Variants in EYA3 observed in about 807,000 individuals in gnomAD.
EYA3 encodes the protein EYA transcriptional coactivator and phosphatase 3.
A neutral mutation model predicts 80.0 loss-of-function variants in EYA3; 39 were observed. The observed-to-expected ratio is 0.49, with a 90% CI of 0.38 to 0.64. The LOEUF (loss-of-function observed/expected upper bound fraction) is 0.64. EYA3 is among the 30% of genes least tolerant of loss of function. The probability of loss-of-function intolerance (pLI) is 0.00; values close to 1 mark genes in which losing one functional copy is unlikely to be tolerated. For missense variants in EYA3, 523 were observed against 676.1 expected (o/e 0.77, Z 2.51); for synonymous variants, 206 against 232.8 (o/e 0.88, Z 1.05).
At chr1:27,983,759 G>A (rs1639465495) in intron 16 of EYA3, among the ~76,000 whole-genome samples, 1 of 152,130 alleles carries the variant, frequency 6.6e-6, no homozygotes, top group Non-Finnish European at 1.5e-5. Flanking sequence ...CCACTCAAGC[G>A]ATTCTCCTGC....
At chr1:27,977,625 C>G (rs1443180077) in intron 17 of EYA3, among the ~76,000 whole-genome samples, 1 of 151,508 alleles carries the variant, frequency 6.6e-6, no homozygotes, top group Non-Finnish European at 1.5e-5. Flanking sequence ...CCGAGGCAGG[C>G]GGATCACAAG....
At chr1:27,989,958 A>AT (rs905524412) in intron 14 of EYA3, 147 bp from the exon 15 acceptor site, 25 of 401,664 alleles carry the variant, frequency 6.2e-5, no homozygotes, top group South Asian at 4.8e-4. Flanking sequence ...ACATATACGT[A>AT]TTTTTTTCCC....
chr1:27,995,238 T>C (rs1640358992), intron 13 of EYA3, among the ~76,000 whole-genome samples: 1 of 147,574 alleles, frequency 6.8e-6, no homozygotes, highest in African/African-American at 2.5e-5. Context: ...GACCCCCATC[T>C]CTAAAAAAAA....
At chr1:28,014,218 A>G (rs1471314191) in intron 8 of EYA3, among the ~76,000 whole-genome samples, 4 of 152,008 alleles carry the variant, frequency 2.6e-5, no homozygotes, top group Non-Finnish European at 5.9e-5. Flanking sequence ...GGAGTTTGAG[A>G]CCAGCCTAGC....
intron 7 of EYA3, among the ~76,000 whole-genome samples, chr1:28,024,811 A>C (rs906360648): frequency 6.6e-6 from 1 of 152,196 alleles, no homozygotes; most frequent in Non-Finnish European, 1.5e-5. Flanking sequence ...ATGATACTAC[A>C]GAAGTCAGAT....
intron 14 of EYA3, among the ~76,000 whole-genome samples, chr1:27,990,780 T>G (rs1639999350): frequency 6.6e-6 from 1 of 151,962 alleles, no homozygotes; most frequent in Non-Finnish European, 1.5e-5. Context: ...CTTGAACTCC[T>G]GATCTCATGA....
At chr1:28,021,130 C>T (rs2148813956) in intron 7 of EYA3, among the ~76,000 whole-genome samples, 1 of 152,310 alleles carries the variant, frequency 6.6e-6, no homozygotes, top group Admixed American at 6.5e-5. Flanking sequence ...AGTTTTTACC[C>T]ACCTCTCTAA....
intron 13 of EYA3, among the ~76,000 whole-genome samples, chr1:27,996,552 T>C (rs1640471499): frequency 6.6e-6 from 1 of 152,236 alleles, no homozygotes; most frequent in Non-Finnish European, 1.5e-5. Flanking sequence ...ATGCTGTACC[T>C]GAAAGTGAAA....
intron 1 of EYA3, among the ~76,000 whole-genome samples, chr1:28,071,992 C>A (rs1305085051): frequency 6.6e-6 from 1 of 152,218 alleles, no homozygotes; most frequent in East Asian, 1.9e-4. Flanking sequence ...GCCCTCTGTA[C>A]TAGTCTCTGC....
intron 16 of EYA3, among the ~76,000 whole-genome samples, chr1:27,982,664 C>T (rs2148710000): frequency 6.6e-6 from 1 of 152,112 alleles, no homozygotes; most frequent in Non-Finnish European, 1.5e-5. Context: ...GCAATCTTGG[C>T]TCACTATAAT....
At chr1:28,077,492 C>T (rs1645265211) in intron 1 of EYA3, among the ~76,000 whole-genome samples, 1 of 152,088 alleles carries the variant, frequency 6.6e-6, no homozygotes, top group African/African-American at 2.4e-5. Context: ...AGGAGGTTAA[C>T]CTGAATTAGC....
intron 10 of EYA3, 112 bp downstream of exon 10, chr1:28,010,835 A>G (rs1641641741): frequency 7.8e-7 from 1 of 1,282,894 alleles, no homozygotes; most frequent in Non-Finnish European, 1.1e-6. Context: ...CTCAGGAATT[A>G]AAGGGCACAT....
At chr1:28,028,388 C>T (rs551094613) in intron 6 of EYA3, among the ~76,000 whole-genome samples, 1 of 152,234 alleles carries the variant, frequency 6.6e-6, no homozygotes, top group South Asian at 2.1e-4. Flanking sequence ...TACTTCTCTG[C>T]CTTCTTAAGC....
intron 1 of EYA3, among the ~76,000 whole-genome samples, chr1:28,086,839 A>C (rs1293362905): frequency 6.6e-6 from 1 of 152,220 alleles, no homozygotes; most frequent in East Asian, 1.9e-4. Flanking sequence ...TAGCAGTTAG[A>C]TAAGTCCTGA....
At chr1:28,008,162 A>C (rs908773276) in intron 10 of EYA3, among the ~76,000 whole-genome samples, 12 of 152,102 alleles carry the variant, frequency 7.9e-5, no homozygotes, top group African/African-American at 2.9e-4. Context: ...TCATAAGTTA[A>C]TTTTTAATAG....
chr1:28,087,120 C>T (rs1645683926), intron 1 of EYA3, among the ~76,000 whole-genome samples: 1 of 152,010 alleles, frequency 6.6e-6, no homozygotes, highest in African/African-American at 2.4e-5. Flanking sequence ...ACACAAAAAC[C>T]GCTGCAATCA....
At chr1:28,047,146 T>TC (rs1374040816) in intron 3 of EYA3, among the ~76,000 whole-genome samples, 5 of 151,758 alleles carry the variant, frequency 3.3e-5, no homozygotes, top group African/African-American at 1.2e-4. Flanking sequence ...TAAGTTCCTT[T>TC]TTTTTTTTGA....
intron 7 of EYA3, among the ~76,000 whole-genome samples, chr1:28,019,579 T>C (rs755431083): frequency 9.9e-5 from 15 of 152,200 alleles, no homozygotes; most frequent in Non-Finnish European, 1.5e-4. Context: ...AAATAAAGAA[T>C]TGATTTAATC....
Position 28,017,214 on chromosome 1 carries a change from T to C in EYA3, c.525A>G (p.Ile175Met), listed in dbSNP as rs756405708. 7 of 1,613,898 alleles carry C rather than the reference T, an allele frequency of 4.3e-6. No homozygotes were observed. The highest frequency in any genetic ancestry group is 5.9e-6 in the Non-Finnish European group (7 of 1,179,816). Reference protein sequence around the residue: ...IQASSTNASLISTSSTIANIP... With the variant: ...IQASSTNASLMSTSSTIANIP... ...TATTGGCAATTGTAGAAGAAGTAGA[T>C]ATCAGGCTGGCATTTGTGCTTGAAG... The change falls in exon 8 of 18, where the codon ATA (isoleucine) becomes ATG (methionine). Residue 175 changes from isoleucine to methionine, a missense_variant. Physicochemically the swap from Ile to Met is conservative, Grantham distance 10 (BLOSUM62 1). Around this residue, in one of 2 missense-constraint regions of EYA3, gnomAD observed 304 missense variants for 343.3 expected, o/e 0.89. Coordinates refer to ENST00000373871, the MANE Select transcript of EYA3 (RefSeq NM_001990.4).
Sources: gnomAD v4.1 joint callset for allele counts (sites outside exome capture counted in the v4.1 genomes callset) on GRCh38, gnomAD v4.1.1 for gene constraint, gnomAD v4.1.1 regional missense constraint, MANE v1.5 for transcripts, NCBI Gene and HGNC (gene_info 2026-07-23, HGNC 2026-07-21) for gene names.